The following AK9 variants were observed in gnomAD, a reference collection of about 807,000 sequenced individuals.
AK9 encodes adenylate kinase 9, also known as adenylate kinase domain containing 1.
AK9 carries 191 observed loss-of-function variants against 239.6 expected under a neutral mutation model. The ratio of observed to expected loss-of-function variants is 0.80; its 90% CI spans 0.71 to 0.90. The LOEUF (loss-of-function observed/expected upper bound fraction) is 0.90. Among genes scored for constraint, AK9 ranks in the 40% least tolerant of loss-of-function variants. The pLI is 0.00. For synonymous variants in AK9, 689 were observed against 721.0 expected (o/e 0.96, Z 0.71); for missense variants, 1,995 against 2,214.7 (o/e 0.90, Z 1.99).
intron 31 of AK9, among the ~76,000 whole-genome samples, chr6:109,515,600 G>A (rs968602816): frequency 6.6e-6 from 1 of 152,118 alleles, no homozygotes; most frequent in African/African-American, 2.4e-5. Flanking sequence ...GTTCATGGAT[G>A]GGAGTAAATG....
intron 1 of AK9, among the ~76,000 whole-genome samples, chr6:109,686,533 T>G (rs766865018): frequency 6.6e-6 from 1 of 152,150 alleles, no homozygotes; most frequent in Non-Finnish European, 1.5e-5. Context: ...AAGAAAGAGC[T>G]CTGTAGTTTT....
intron 27 of AK9, among the ~76,000 whole-genome samples, chr6:109,534,386 G>A (rs1781693373): frequency 6.7e-6 from 1 of 149,998 alleles, no homozygotes; most frequent in African/African-American, 2.4e-5. Flanking sequence ...AATTGAGAGA[G>A]TCAATACTGG....
At chr6:109,617,595 A>C (rs1363989484) in intron 13 of AK9, among the ~76,000 whole-genome samples, 4 of 152,176 alleles carry the variant, frequency 2.6e-5, no homozygotes, top group Non-Finnish European at 5.9e-5. Flanking sequence ...ACATTGGCTC[A>C]GCATTTGGGA....
chr6:109,595,800 A>T (rs903242495), intron 17 of AK9, among the ~76,000 whole-genome samples: 1 of 152,150 alleles, frequency 6.6e-6, no homozygotes, highest in African/African-American at 2.4e-5. Flanking sequence ...GAGTTGAACT[A>T]TGAGAACACA....
intron 1 of AK9, among the ~76,000 whole-genome samples, chr6:109,689,055 A>T (rs1458418918): frequency 6.6e-6 from 1 of 152,220 alleles, no homozygotes; most frequent in African/African-American, 2.4e-5. Flanking sequence ...TTGTTATCCT[A>T]CTGGGCAAAC....
intron 12 of AK9, among the ~76,000 whole-genome samples, chr6:109,622,353 T>A (rs1794972565): frequency 7.0e-6 from 1 of 142,864 alleles, no homozygotes; most frequent in Non-Finnish European, 1.5e-5. Flanking sequence ...GTCATATATA[T>A]AGTATATATA....
intron 19 of AK9, among the ~76,000 whole-genome samples, chr6:109,581,305 G>A (rs1046104540): frequency 6.6e-6 from 1 of 152,186 alleles, no homozygotes; most frequent in Non-Finnish European, 1.5e-5. Flanking sequence ...AGCTTAGTGA[G>A]GAAGGTATAT....
chr6:109,637,054 C>CA, intron 10 of AK9, among the ~76,000 whole-genome samples: 1 of 152,168 alleles, frequency 6.6e-6, no homozygotes, highest in Non-Finnish European at 1.5e-5. Flanking sequence ...TCCTCATCAA[C>CA]ATTTGTTATT....
chr6:109,691,107 G>A (rs779176122), intron 1 of AK9, 40 bp downstream of exon 1: 3 of 476,104 alleles, frequency 6.3e-6, no homozygotes, highest in Admixed American at 3.3e-5. Flanking sequence ...CAATTAATCC[G>A]TCGACTTTTT....
chr6:109,599,589 T>A (rs1791610855), intron 17 of AK9, among the ~76,000 whole-genome samples: 1 of 95,024 alleles, frequency 1.1e-5, no homozygotes, highest in Non-Finnish European at 2.5e-5. Context: ...AACTTTAAAG[T>A]AGTTTTTTCC....
chr6:109,638,011 G>A (rs1212697410), intron 10 of AK9, among the ~76,000 whole-genome samples: 1 of 152,146 alleles, frequency 6.6e-6, no homozygotes, highest in Non-Finnish European at 1.5e-5. Context: ...TTTTGGAGGT[G>A]GTCTGGACTG....
intron 17 of AK9, among the ~76,000 whole-genome samples, chr6:109,596,709 T>G (rs1220361246): frequency 6.6e-6 from 1 of 152,200 alleles, no homozygotes; most frequent in Non-Finnish European, 1.5e-5. Flanking sequence ...ACAAAGTGAC[T>G]GGGTTTTATA....
At chr6:109,678,220 T>C (rs1772043036) in intron 1 of AK9, among the ~76,000 whole-genome samples, 1 of 152,206 alleles carries the variant, frequency 6.6e-6, no homozygotes, top group Non-Finnish European at 1.5e-5. Flanking sequence ...CCATGGAATA[T>C]GATAATAATA....
intron 29 of AK9, 29 bp downstream of exon 29, chr6:109,528,982 G>A (rs368394092): frequency 1.0e-5 from 16 of 1,529,020 alleles, no homozygotes; most frequent in African/African-American, 3.0e-5. Context: ...GTGAGACCCT[G>A]TTTTGAAAAA....
chr6:109,494,337 A>G, intron 39 of AK9: 1 of 391,688 alleles, frequency 2.6e-6, no homozygotes, highest in Non-Finnish European at 4.6e-6. Flanking sequence ...GGATAGGAGT[A>G]TGGGCTTCAT....
At chr6:109,608,013 C>T (rs1164474289) in intron 17 of AK9, among the ~76,000 whole-genome samples, 1 of 151,990 alleles carries the variant, frequency 6.6e-6, no homozygotes, top group Non-Finnish European at 1.5e-5. Context: ...TGGTGGATCA[C>T]GCCCGTAATC....
At chr6:109,587,326 T>G (rs1028414783) in intron 17 of AK9, among the ~76,000 whole-genome samples, 6 of 152,284 alleles carry the variant, frequency 3.9e-5, no homozygotes, top group African/African-American at 1.4e-4. Context: ...AAAACAACAT[T>G]GAGATATAAC....
chr6:109,538,783 C>G (rs1405579968), intron 27 of AK9, among the ~76,000 whole-genome samples: 1 of 151,948 alleles, frequency 6.6e-6, no homozygotes, highest in Non-Finnish European at 1.5e-5. Flanking sequence ...TTCAGGAGCT[C>G]TTGTAGGGCA....
rs1298818873 is a variant in AK9, at chr6:109,509,374, T to C, written c.4286A>G (p.Lys1429Arg). 3.9e-6 allele frequency: 6 copies of C among 1,548,544 alleles called. No individual in the cohort carries two copies. The highest frequency in any genetic ancestry group is 1.4e-5 in the African/African-American group (1 of 72,866). ...PPKSGKTTVA[K>R]KITSEYGLKH... Reference sequence around the variant, plus strand: ...TAACCCATATTCACTTGTAATTTTTTTGGCAACTGAAAAACATAAAACTTT... The same window carrying C: ...TAACCCATATTCACTTGTAATTTTTCTGGCAACTGAAAAACATAAAACTTT... The change falls in exon 33 of 41, where the codon AAA becomes AGA. Residue 1429 changes from lysine (K) to arginine (R), a missense_variant. By Grantham distance (26) the Lys-to-Arg change is conservative. Coordinates refer to ENST00000424296, the MANE Select transcript of AK9 (RefSeq NM_001145128.3).
Sources: allele counts gnomAD v4.1 joint callset (sites outside exome capture counted in the v4.1 genomes callset), GRCh38; gene constraint gnomAD v4.1.1; transcripts MANE v1.5; gene names NCBI Gene and HGNC (gene_info 2026-07-23, HGNC 2026-07-21).